The following SP100 variants were observed in gnomAD, a reference collection of about 807,000 sequenced individuals.
The protein encoded by SP100 is SP100 nuclear body protein, also known as nuclear autoantigen Sp-100.
In SP100, 84 loss-of-function variants were observed where a neutral mutation model predicts 130.0. The ratio of observed to expected loss-of-function variants is 0.65; its 90% CI spans 0.54 to 0.77. The LOEUF (loss-of-function observed/expected upper bound fraction) is 0.77. Ranked by LOEUF, SP100 falls within the 30% of genes least tolerant of loss-of-function variation. SP100 has a pLI of 0.00. For missense variants in SP100, 978 were observed against 1,052.2 expected (o/e 0.93, Z 0.97); for synonymous variants, 331 against 351.7 (o/e 0.94, Z 0.66).
intron 8 of SP100, among the ~76,000 whole-genome samples, chr2:230,458,040 G>T (rs1034867054): frequency 3.3e-5 from 5 of 152,274 alleles, no homozygotes; most frequent in African/African-American, 9.6e-5. Flanking sequence ...CAAGAAGAAA[G>T]AATACAAAAG....
intron 22 of SP100, among the ~76,000 whole-genome samples, chr2:230,507,667 A>C (rs1690223608): frequency 6.6e-6 from 1 of 152,164 alleles, no homozygotes; most frequent in Non-Finnish European, 1.5e-5. Flanking sequence ...AAAAAGATGA[A>C]CAACTAGCAA....
chr2:230,431,289 G>A (rs767270305), intron 2 of SP100, among the ~76,000 whole-genome samples: 2 of 152,238 alleles, frequency 1.3e-5, no homozygotes, highest in African/African-American at 2.4e-5. Context: ...GGCCTCCTAA[G>A]AAGCAGCCCA....
rs1458550622 is a variant in SP100, at chr2:230,438,660, C to T, written c.108-4277C>T. ...TGGTGTATATATATACACACACACA[C>T]ACACACACACACACACACACACACA... On this transcript the variant is annotated intron_variant, in intron 2 of 28. Coordinates refer to ENST00000340126, the MANE Select transcript of SP100 (RefSeq NM_001080391.2). Among the ~76,000 whole-genome samples, 1,289 of 149,052 alleles carry T rather than the reference C, an allele frequency of 8.6e-3. 25 individuals carry two copies. Among genetic ancestry groups the T allele is most frequent in the African/African-American group, 0.031 (1,214 of 39,216 alleles).
intron 1 of SP100, 54 bp from the exon 2 acceptor site, chr2:230,417,537 T>A (rs1289658519): frequency 6.4e-7 from 1 of 1,571,962 alleles, no homozygotes; most frequent in African/African-American, 1.4e-5. Flanking sequence ...AAAATGTAAT[T>A]ATTGAGGCAA....
At chr2:230,451,853 A>C (rs577753554) in intron 8 of SP100, among the ~76,000 whole-genome samples, 1 of 152,196 alleles carries the variant, frequency 6.6e-6, no homozygotes, top group Non-Finnish European at 1.5e-5. Context: ...ATTCTTCTGC[A>C]TGTGGATATC....
chr2:230,469,412 T>C (rs1437755463), intron 14 of SP100: 2 of 496,410 alleles, frequency 4.0e-6, no homozygotes, highest in South Asian at 3.1e-5. Context: ...AGATGTTGCT[T>C]CCATGGTTCC....
intron 25 of SP100, among the ~76,000 whole-genome samples, chr2:230,539,859 T>G (rs577364302): frequency 6.6e-6 from 1 of 152,280 alleles, no homozygotes; most frequent in South Asian, 2.1e-4. Context: ...TGCTAAAAAA[T>G]GTGCCTTTGG....
In SP100 at chr2:230,483,646, C is replaced by G. The variant is rs544670166; in HGVS notation, c.1600+9199C>G. 9.2e-4 allele frequency among the ~76,000 whole-genome samples: 140 copies of G among 152,082 alleles called. 1 individual carries two copies. The highest frequency in any genetic ancestry group is 8.3e-3 in the South Asian group (40 of 4,808). ...AGTAAGGAGGCTATTGCAATGGTCT[C>G]GGAAGGGTGATGGTGAATTGGACTA... On this transcript the variant is annotated intron_variant, in intron 17 of 28. Coordinates refer to ENST00000340126, the MANE Select transcript of SP100 (RefSeq NM_001080391.2).
intron 15 of SP100, 157 bp from the exon 16 acceptor site, chr2:230,473,167 A>T (rs2065359602): frequency 1.8e-6 from 1 of 543,414 alleles, no homozygotes; most frequent in South Asian, 2.6e-5. Context: ...CAGAAGGGAA[A>T]AATACAGTGA....
intron 8 of SP100, among the ~76,000 whole-genome samples, chr2:230,459,397 C>T (rs2064462222): frequency 6.6e-6 from 1 of 152,124 alleles, no homozygotes; most frequent in South Asian, 2.1e-4. Context: ...GACTCCACCT[C>T]CACCCCCAGA....
At chr2:230,535,391 G>C (rs1691889510) in intron 24 of SP100, among the ~76,000 whole-genome samples, 1 of 152,132 alleles carries the variant, frequency 6.6e-6, no homozygotes, top group Non-Finnish European at 1.5e-5. Context: ...ATGAAGCAGA[G>C]CAGGAGTTAG....
At chr2:230,539,423 G>A in intron 25 of SP100, 41 bp downstream of exon 25, 1 of 1,386,468 alleles carries the variant, frequency 7.2e-7, no homozygotes, top group Non-Finnish European at 1.0e-6. Flanking sequence ...CTTCCTTCTT[G>A]TGGTACAGCT....
chr2:230,462,443 A>T lies in SP100; in HGVS notation c.982A>T (p.Ser328Cys). 1 of 1,613,074 alleles carries T rather than the reference A, an allele frequency of 6.2e-7. No individual in the cohort carries two copies. The highest frequency in any genetic ancestry group is 8.5e-7 in the Non-Finnish European group (1 of 1,179,090). ...TTTGCTCCTTTGTGCAGTCATCAGC[A>T]GTGAGGACTCTGAAGGATCCACTGA... ...NQASDIIVIS[S>C]EDSEGSTDVD... is the part of the protein sequence containing the mutation. The change falls in exon 10 of 29, where the codon AGT becomes TGT. Residue 328 changes from serine (S) to cysteine (C), a missense_variant. By Grantham distance (112) the Ser-to-Cys change is moderately radical. Coordinates refer to ENST00000340126, the MANE Select transcript of SP100 (RefSeq NM_001080391.2).
intron 2 of SP100, among the ~76,000 whole-genome samples, chr2:230,438,674 C>T (rs1452465546): frequency 6.6e-6 from 1 of 151,444 alleles, no homozygotes; most frequent in Non-Finnish European, 1.5e-5. Context: ...CACACACACA[C>T]ACACACACAC....
At chr2:230,481,882 T>G (rs1472422095) in intron 17 of SP100, among the ~76,000 whole-genome samples, 1 of 152,228 alleles carries the variant, frequency 6.6e-6, no homozygotes, top group Non-Finnish European at 1.5e-5. Flanking sequence ...TGCTTTTACC[T>G]GGTAAGAATG....
intron 19 of SP100, among the ~76,000 whole-genome samples, chr2:230,502,199 G>C (rs1047295159): frequency 6.6e-6 from 1 of 152,078 alleles, no homozygotes; most frequent in African/African-American, 2.4e-5. Flanking sequence ...TATCTTTTAA[G>C]TCAATCCTTT....
chr2:230,516,962 T>C (rs188378507), intron 24 of SP100, among the ~76,000 whole-genome samples: 2 of 152,332 alleles, frequency 1.3e-5, no homozygotes, highest in Admixed American at 1.3e-4. Context: ...ATACAAATAT[T>C]ACTTTAGAAA....
intron 2 of SP100, among the ~76,000 whole-genome samples, chr2:230,437,221 G>A (rs1406382489): frequency 8.5e-5 from 13 of 152,070 alleles, no homozygotes; most frequent in South Asian, 2.1e-4. Flanking sequence ...GTTTAAATAC[G>A]TTTTCTCCTT....
At chr2:230,426,537 C>T (rs1421596936) in intron 2 of SP100, among the ~76,000 whole-genome samples, 1 of 146,662 alleles carries the variant, frequency 6.8e-6, no homozygotes, top group Non-Finnish European at 1.5e-5. Context: ...TTATATATTC[C>T]GTACAGAAGT....
Sources: allele counts gnomAD v4.1 joint callset (sites outside exome capture counted in the v4.1 genomes callset), GRCh38; gene constraint gnomAD v4.1.1; transcripts MANE v1.5; gene names NCBI Gene and HGNC (gene_info 2026-07-23, HGNC 2026-07-21).